The following AK7 variants were observed in gnomAD, a reference collection of about 807,000 sequenced individuals.
The protein encoded by AK7 is adenylate kinase 7.
AK7 carries 78 observed loss-of-function variants against 96.6 expected under a neutral mutation model. That is an observed-to-expected ratio of 0.81 (90% CI 0.67 to 0.97). AK7 has a LOEUF of 0.97. AK7 is among the 50% of genes least tolerant of loss of function. The pLI, the probability that AK7 is intolerant of heterozygous loss-of-function variation, is 0.00. For synonymous variants in AK7, 302 were observed against 317.2 expected (o/e 0.95, Z 0.51); for missense variants, 855 against 887.9 (o/e 0.96, Z 0.47).
chr14:96,452,822 G>A (rs10146581), intron 10 of AK7, among the ~76,000 whole-genome samples: 131,177 of 152,068 alleles, frequency 0.86, 56,892 homozygotes, highest in East Asian at 0.96. Context: ...CAGAGATTCA[G>A]ACTAGGTAGG....
chr14:96,404,818 T>C lies in AK7; in HGVS notation c.356T>C (p.Ile119Thr). 6.2e-7 allele frequency: 1 copy of C among 1,611,044 alleles called. No homozygotes were observed. The highest frequency in any genetic ancestry group is 8.5e-7 in the Non-Finnish European group (1 of 1,177,748). The change falls in exon 3 of 18, where the codon ATC (isoleucine) becomes ACC (threonine). Residue 119 changes from isoleucine (I) to threonine (T), a missense_variant. Transcript: ENST00000267584. ...LLECDVIIYNITESSQQMEEA... is the reference protein window; with the variant it reads ...LLECDVIIYNTTESSQQMEEA... ...GAGTGTGATGTTATTATTTATAACA[T>C]CACTGAGAGCTCACAGCAAATGGAG...
intron 10 of AK7, among the ~76,000 whole-genome samples, chr14:96,454,058 C>T (rs895540756): frequency 3.9e-5 from 6 of 152,136 alleles, no homozygotes; most frequent in East Asian, 3.8e-4. Flanking sequence ...GGACCACACG[C>T]GCCAGAGCCA....
At chr14:96,418,666 C>T (rs1344950839) in intron 4 of AK7, among the ~76,000 whole-genome samples, 1 of 151,978 alleles carries the variant, frequency 6.6e-6, no homozygotes, top group Non-Finnish European at 1.5e-5. Context: ...TTACAGGCAC[C>T]TGCCACCAAG....
chr14:96,442,904 T>G (rs941231234), intron 7 of AK7, 86 bp downstream of exon 7: 4 of 1,181,818 alleles, frequency 3.4e-6, no homozygotes, highest in Admixed American at 1.7e-5. Context: ...ATTTGCCTAG[T>G]GCTAAGACCC....
Position 96,451,426 on chromosome 14 carries a change from T to C in AK7, c.954T>C (p.Asp318=). 1 of 1,568,502 alleles carries C rather than the reference T, an allele frequency of 6.4e-7. No homozygotes were observed. Among genetic ancestry groups the C allele is most frequent in the South Asian group, 1.2e-5 (1 of 84,402 alleles). ...NAYLTKDLTQ[D]CLDHLLVNLR... ...AATTGTCCTCTATCTTTCAGCAAGATTGTCTTGACCATTTACTGGTCAACT... is the reference window on the plus strand; with the variant it reads ...AATTGTCCTCTATCTTTCAGCAAGACTGTCTTGACCATTTACTGGTCAACT... Residue 318 remains aspartate (D), a synonymous_variant, in exon 10 of 18, where the codon GAT becomes GAC. Coordinates refer to ENST00000267584, the MANE Select transcript of AK7 (RefSeq NM_152327.5).
intron 12 of AK7, among the ~76,000 whole-genome samples, chr14:96,462,882 A>G (rs1894332927): frequency 6.6e-6 from 1 of 152,140 alleles, no homozygotes; most frequent in Admixed American, 6.5e-5. Flanking sequence ...TCATGCCTGT[A>G]ATCCCAGCAC....
At chr14:96,400,184 G>A (rs112807473) in intron 2 of AK7, among the ~76,000 whole-genome samples, 9,407 of 151,576 alleles carry the variant, frequency 0.062, 398 homozygotes, top group African/African-American at 0.11. Flanking sequence ...GACTACAAGC[G>A]CGTGCCACCA....
Position 96,478,454 on chromosome 14 carries a change from C to A in AK7, c.1556-11C>A, listed in dbSNP as rs1348058622. The A allele has an allele frequency of 6.2e-7, 1 of 1,614,004 alleles. No homozygotes were observed. Among genetic ancestry groups the A allele is most frequent in the Non-Finnish European group, 8.5e-7 (1 of 1,179,910 alleles). On this transcript the variant is annotated splice_polypyrimidine_tract_variant and intron_variant, in intron 14 of 17. Coordinates refer to ENST00000267584, the MANE Select transcript of AK7 (RefSeq NM_152327.5). ...TATTGTGCCAACTCTGGAGTCTGTC[C>A]TTCTCCCCAGAATTCGTTTGTGCAC... is the stretch of plus-strand genomic sequence containing the variant.
At chr14:96,485,871 C>T (rs1211754874) in intron 16 of AK7, among the ~76,000 whole-genome samples, 18 of 150,642 alleles carry the variant, frequency 1.2e-4, no homozygotes. Context: ...TCTCGGCTCA[C>T]TGCAAGCTCC....
intron 8 of AK7, 143 bp downstream of exon 8, chr14:96,446,750 G>C (rs1011571894): frequency 1.6e-6 from 1 of 613,990 alleles, no homozygotes; most frequent in Non-Finnish European, 2.9e-6. Flanking sequence ...AGACCAGCCT[G>C]ACCAACATGA....
intron 2 of AK7, among the ~76,000 whole-genome samples, chr14:96,400,108 G>A (rs1324513832): frequency 2.8e-5 from 4 of 141,318 alleles, no homozygotes; most frequent in African/African-American, 8.0e-5. Flanking sequence ...GCGCGATCTC[G>A]GCTTACTGCA....
Position 96,456,444 on chromosome 14 carries a change from A to C in AK7, c.1196A>C (p.Lys399Thr), listed in dbSNP as rs1449613730. Residue 399 changes from lysine (K) to threonine (T), a missense_variant, in exon 11 of 18, where the codon AAG becomes ACG. Physicochemically the swap from Lys to Thr is moderately conservative, Grantham distance 78 (BLOSUM62 -1). Coordinates refer to ENST00000267584, the MANE Select transcript of AK7 (RefSeq NM_152327.5). ...TACAAACTGCATCACATCCAACTGA[A>C]GGATGTCATTTCTGAAGCCATAGCA... is the stretch of plus-strand genomic sequence containing the variant. ...NYYKLHHIQL[K>T]DVISEAIAKL... 6.2e-7 allele frequency: 1 copy of C among 1,613,748 alleles called. No individual in the cohort carries two copies. The highest frequency in any genetic ancestry group is 1.7e-5 in the Admixed American group (1 of 59,972).
intron 10 of AK7, among the ~76,000 whole-genome samples, chr14:96,453,100 C>T (rs987248760): frequency 1.3e-5 from 2 of 152,058 alleles, no homozygotes; most frequent in African/African-American, 4.8e-5. Flanking sequence ...TCCTTAGAAC[C>T]GTATTCTCTT....
At chr14:96,408,710 G>A in intron 3 of AK7, 137 bp from the exon 4 acceptor site, 2 of 679,952 alleles carry the variant, frequency 2.9e-6, no homozygotes, top group Non-Finnish European at 5.1e-6. Context: ...GAACGGTGAT[G>A]GGAACAGGTC....
chr14:96,449,060 C>T (rs948745216), intron 8 of AK7, among the ~76,000 whole-genome samples: 2 of 152,116 alleles, frequency 1.3e-5, no homozygotes, highest in African/African-American at 4.8e-5. Context: ...TCCGTGCGTC[C>T]TCACATGGTG....
chr14:96,394,856 A>T (rs1889973336), intron 1 of AK7, among the ~76,000 whole-genome samples: 1 of 152,144 alleles, frequency 6.6e-6, no homozygotes, highest in South Asian at 2.1e-4. Context: ...TGCGCCTGTA[A>T]TCCCAGCTAC....
At chr14:96,420,779 C>A (rs1891635882) in intron 4 of AK7, 43 bp from the exon 5 acceptor site, 10 of 1,406,152 alleles carry the variant, frequency 7.1e-6, no homozygotes, top group South Asian at 1.2e-5. Context: ...TCACACATCT[C>A]TAATTCACCA....
At chr14:96,470,444 T>C (rs1468604409) in intron 12 of AK7, among the ~76,000 whole-genome samples, 3 of 152,144 alleles carry the variant, frequency 2.0e-5, no homozygotes, top group Non-Finnish European at 4.4e-5. Flanking sequence ...GTTTTGAACA[T>C]TGTAGCTGTT....
chr14:96,456,510 T>C, intron 11 of AK7, 35 bp downstream of exon 11: 2 of 1,602,784 alleles, frequency 1.2e-6, no homozygotes, highest in South Asian at 1.1e-5. Flanking sequence ...GGCATTTTAA[T>C]TAATTACTGT....
Sources: allele counts gnomAD v4.1 joint callset (sites outside exome capture counted in the v4.1 genomes callset), GRCh38; gene constraint gnomAD v4.1.1; transcripts MANE v1.5; gene names NCBI Gene and HGNC (gene_info 2026-07-23, HGNC 2026-07-21).